Variants in LDHAL6A observed in about 807,000 individuals in gnomAD.
LDHAL6A encodes the protein lactate dehydrogenase A like 6A.
Under a neutral mutation model 28.2 loss-of-function variants are expected in LDHAL6A, and 19 were observed. The ratio of observed to expected loss-of-function variants is 0.67; its 90% confidence interval spans 0.47 to 0.99. The LOEUF (loss-of-function observed/expected upper bound fraction) is 0.99, where lower values mean the gene tolerates loss of function less well. Ranked by LOEUF, LDHAL6A falls within the 50% of genes least tolerant of loss-of-function variation. The pLI, the probability that LDHAL6A is intolerant of heterozygous loss-of-function variation, is 0.00. For missense variants in LDHAL6A, 372 were observed against 398.6 expected, an observed-to-expected ratio of 0.93 and a Z score of 0.57; for synonymous variants, 144 against 134.4, an observed-to-expected ratio of 1.07 and a Z score of -0.49.
At chr11:18,477,591 CTT>C in intron 5 of LDHAL6A, 27 bp from the exon 6 acceptor site, 1 of 1,570,486 alleles carries the variant, frequency 6.4e-7, no homozygotes, top group South Asian at 1.2e-5. Flanking sequence ...TGCATCTTAA[CTT>C]ATGTTTATGG....
rs370900505 is a variant in LDHAL6A, at chr11:18,456,635, T to C, written c.-46T>C. The C allele has an allele frequency of 2.5e-6, 4 of 1,594,154 alleles. No individual in the cohort carries two copies. The African/African-American group carries it at 5.4e-5, about 21-fold the overall frequency. On this transcript the variant is annotated 5_prime_UTR_variant, in exon 1 of 7. Coordinates refer to ENST00000280706, the MANE Select transcript of LDHAL6A (RefSeq NM_144972.5). ...ATTCCAAGCCATTTCCAATTCCAGG[T>C]CTTGGAAATGGCTGTGCAATTTGTC...
At chr11:18,470,425 G>T (rs986101025) in intron 3 of LDHAL6A, among the ~76,000 whole-genome samples, 5 of 152,136 alleles carry the variant, frequency 3.3e-5, no homozygotes, top group Non-Finnish European at 7.4e-5. Context: ...ATATGTATAG[G>T]TAGCATCACT....
chr11:18,473,059 A>C (rs1849287318), intron 3 of LDHAL6A, among the ~76,000 whole-genome samples: 1 of 152,070 alleles, frequency 6.6e-6, no homozygotes, highest in Admixed American at 6.6e-5. Context: ...TAAAAAAAAA[A>C]CCCAACACAT....
rs2133855258 is a variant in LDHAL6A, at chr11:18,455,904, CTG to C, written c.-776_-775del. 6.6e-6 allele frequency: 1 copy of C among 152,024 alleles called. No homozygotes were observed. The highest frequency in any genetic ancestry group is 2.4e-5 in the African/African-American group (1 of 41,330). The allele number at this position is 152,024 out of a possible 1,614,324, so 9.4% of individuals were successfully genotyped here. On this transcript the variant is annotated 5_prime_UTR_variant, in exon 1 of 7. Coordinates refer to ENST00000280706, the MANE Select transcript of LDHAL6A (RefSeq NM_144972.5). ...GCATCACACCTGCCAAGCATCACAC[CTG>C]CCAAGCATCACACCTGCCAAGCATC...
At chr11:18,466,153 G>GT (rs947910426) in intron 3 of LDHAL6A, among the ~76,000 whole-genome samples, 1 of 152,132 alleles carries the variant, frequency 6.6e-6, no homozygotes, top group Non-Finnish European at 1.5e-5. Context: ...ACATGATTTT[G>GT]TTTTTTATGG....
chr11:18,456,749 C>T lies in LDHAL6A; in HGVS notation c.69C>T (p.Ile23=). The T allele has an allele frequency of 6.2e-7, 1 of 1,613,558 alleles. No individual in the cohort carries two copies. The highest frequency in any genetic ancestry group is 1.7e-4 in the Middle Eastern group (1 of 6,054). Residue 23 remains isoleucine (I), a synonymous_variant, in exon 1 of 7, where the codon ATC becomes ATT. Transcript: ENST00000280706. The stretch of plus-strand genomic sequence containing the variant: ...AGGAGGCCATTCATCACAATAAGAT[C>T]TCCATTGTAGGAACTGGATCGGTTG... ...AEEEAIHHNK[I]SIVGTGSVGV... is the part of the protein sequence containing the mutation.
At chr11:18,478,518 C>G (rs1038469502) in intron 6 of LDHAL6A, among the ~76,000 whole-genome samples, 188 bp from the exon 7 acceptor site, 4 of 152,046 alleles carry the variant, frequency 2.6e-5, no homozygotes, top group African/African-American at 9.7e-5. Context: ...CGAGATCGTG[C>G]CACTGCACTC....
rs1849016188 is a variant in LDHAL6A, at chr11:18,464,977, G to GTTTTTTTTGTTTTTTTT, written c.245-652_245-651insGTTTTTTTTTTTTTTTT. ...TTTTAGGAGGTGAGGTGTTTTTTTTGTTTTTTTTTGTTTTGTTTTGTTTTG... is the reference window on the plus strand; with the variant it reads ...TTTTAGGAGGTGAGGTGTTTTTTTTGTTTTTTTTGTTTTTTTTTTTTTTTTTGTTTTGTTTTGTTTTG... On this transcript the variant is annotated intron_variant, in intron 2 of 6. Transcript: ENST00000280706. 1.4e-4 allele frequency among the ~76,000 whole-genome samples: 18 copies of GTTTTTTTTGTTTTTTTT among 125,486 alleles called. 1 individual carries two copies. Among genetic ancestry groups the GTTTTTTTTGTTTTTTTT allele is most frequent in the Non-Finnish European group, 2.1e-4 (13 of 60,702 alleles). 82.3% of individuals were successfully genotyped at this position (125,486 alleles called of 152,430 possible).
intron 2 of LDHAL6A, among the ~76,000 whole-genome samples, chr11:18,464,709 CTG>C (rs1458274509): frequency 6.9e-6 from 1 of 144,030 alleles, no homozygotes; most frequent in Non-Finnish European, 1.5e-5. Context: ...GAGTGAAACT[CTG>C]TCTCAAAAAA....
intron 3 of LDHAL6A, among the ~76,000 whole-genome samples, chr11:18,473,963 GATCAT>G (rs1284156352): frequency 6.6e-6 from 1 of 152,150 alleles, no homozygotes; most frequent in African/African-American, 2.4e-5. Context: ...CAGTTAAAAT[GATCAT>G]ATCTATCTTT....
chr11:18,472,662 A>T (rs983299306), intron 3 of LDHAL6A, among the ~76,000 whole-genome samples: 3 of 152,212 alleles, frequency 2.0e-5, no homozygotes, highest in Non-Finnish European at 4.4e-5. Flanking sequence ...TTATTTTTAA[A>T]GTATGAGTTA....
At chr11:18,461,811 C>A (rs868289197) in intron 1 of LDHAL6A, among the ~76,000 whole-genome samples, 1 of 150,822 alleles carries the variant, frequency 6.6e-6, no homozygotes, top group African/African-American at 2.4e-5. Flanking sequence ...CGAGATAGTG[C>A]CACTGCACTC....
At chr11:18,469,327 A>G in intron 3 of LDHAL6A, 2 of 437,324 alleles carry the variant, frequency 4.6e-6, no homozygotes, top group South Asian at 5.7e-5. Flanking sequence ...CATTAAGGTT[A>G]TATGATAACA....
rs183915970 is a variant in LDHAL6A at position 18,462,266 on chromosome 11, C to T, written c.127-1695C>T. On this transcript the variant is annotated intron_variant, in intron 1 of 6. Transcript: ENST00000280706. ...CTGTAATCCCATCACTTTGAGAGAC[C>T]GGGGCAGGTGGATCACTTGAAGTCA... 1.5e-3 allele frequency among the ~76,000 whole-genome samples: 234 copies of T among 151,572 alleles called. 1 individual carries two copies. Among genetic ancestry groups the T allele is most frequent in the African/African-American group, 5.5e-3 (226 of 41,336 alleles).
At chr11:18,478,634 C>A in intron 6 of LDHAL6A, 72 bp from the exon 7 acceptor site, 1 of 1,198,930 alleles carries the variant, frequency 8.3e-7, no homozygotes, top group Non-Finnish European at 1.2e-6. Context: ...TATTCATTCA[C>A]CTCCCAACTG....
intron 3 of LDHAL6A, among the ~76,000 whole-genome samples, chr11:18,471,638 A>G (rs1024528764): frequency 7.9e-5 from 12 of 151,700 alleles, no homozygotes; most frequent in African/African-American, 2.9e-4. Flanking sequence ...AACTGTTCAG[A>G]ATGAGGCTGG....
At chr11:18,462,562 G>A (rs898263856) in intron 1 of LDHAL6A, among the ~76,000 whole-genome samples, 16 of 150,656 alleles carry the variant, frequency 1.1e-4, no homozygotes, top group Admixed American at 8.0e-4. Flanking sequence ...GCGTGAACCT[G>A]GGAGGCGGAG....
In LDHAL6A at chr11:18,476,415, C is replaced by T. The variant is rs561099820; in HGVS notation, c.624C>T (p.Gly208=). The T allele has an allele frequency of 6.6e-5, 107 of 1,613,866 alleles. No individual in the cohort carries two copies. In the Middle Eastern group the frequency reaches 9.9e-4, roughly 15 times the overall value. Reference sequence around the variant, plus strand: ...TGTGGAGTGGTGTGAACATTGCTGGCGTCCCTCTGAAGGATCTGAACCCAG... The same window carrying T: ...TGTGGAGTGGTGTGAACATTGCTGGTGTCCCTCTGAAGGATCTGAACCCAG... ...VPVWSGVNIA[G]VPLKDLNPDI... is the part of the protein sequence containing the mutation. Residue 208 remains glycine, a synonymous_variant, in exon 5 of 7, where the codon GGC becomes GGT. Coordinates refer to ENST00000280706, the MANE Select transcript of LDHAL6A (RefSeq NM_144972.5).
At chr11:18,464,279 GCAGCAGTAA>G (rs1192685138) in intron 2 of LDHAL6A, among the ~76,000 whole-genome samples, 2 of 152,176 alleles carry the variant, frequency 1.3e-5, no homozygotes, top group African/African-American at 4.8e-5. Flanking sequence ...TTCCTTGTGA[GCAGCAGTAA>G]CAGCAGTTAT....
Sources: allele counts gnomAD v4.1 joint callset (sites outside exome capture counted in the v4.1 genomes callset), GRCh38; gene constraint gnomAD v4.1.1; transcripts MANE v1.5; gene names NCBI Gene and HGNC (gene_info 2026-07-23, HGNC 2026-07-21).